The following CFAP299 variants were observed in gnomAD, a reference collection of about 807,000 sequenced individuals.
CFAP299 encodes the protein cilia- and flagella-associated protein 299.
CFAP299 carries 21 observed loss-of-function variants against 27.0 expected under a neutral mutation model. That is an observed-to-expected ratio of 0.78 (90% CI 0.55 to 1.12). The LOEUF is 1.12. CFAP299 is among the 50% of genes most tolerant of loss of function. CFAP299 has a pLI of 0.00. For missense variants in CFAP299, 310 were observed against 276.6 expected (o/e 1.12, Z -0.86); for synonymous variants, 104 against 98.1 (o/e 1.06, Z -0.36).
At chr4:80,684,266 C>A (rs1720028679) in intron 3 of CFAP299, among the ~76,000 whole-genome samples, 1 of 28,536 alleles carries the variant, frequency 3.5e-5, no homozygotes. Context: ...AAGATGACTT[C>A]TTTTTTTTGG....
intron 3 of CFAP299, among the ~76,000 whole-genome samples, chr4:80,774,916 C>A (rs1303010078): frequency 6.6e-6 from 1 of 151,824 alleles, no homozygotes; most frequent in Non-Finnish European, 1.5e-5. Flanking sequence ...AGAAAGTACT[C>A]ATTAAAAAAT....
At chr4:80,503,452 A>G (rs1277220486) in intron 2 of CFAP299, among the ~76,000 whole-genome samples, 1 of 152,028 alleles carries the variant, frequency 6.6e-6, no homozygotes, top group African/African-American at 2.4e-5. Context: ...TTTTCATAGA[A>G]CTTTTTATGA....
chr4:80,740,489 T>C (rs1724191906), intron 3 of CFAP299, among the ~76,000 whole-genome samples: 1 of 152,176 alleles, frequency 6.6e-6, no homozygotes, highest in African/African-American at 2.4e-5. Context: ...TCTCTGTGTG[T>C]GCTGATTCAC....
chr4:80,831,704 T>G (rs979277581), intron 3 of CFAP299, among the ~76,000 whole-genome samples: 1 of 152,186 alleles, frequency 6.6e-6, no homozygotes, highest in African/African-American at 2.4e-5. Context: ...TCTGCATTCA[T>G]ATTAAAGGAT....
chr4:80,687,789 A>G (rs1046648767), intron 3 of CFAP299, among the ~76,000 whole-genome samples: 1 of 152,144 alleles, frequency 6.6e-6, no homozygotes, highest in African/African-American at 2.4e-5. Context: ...GGTTCATCTC[A>G]CTAGGGAGTG....
At chr4:80,945,984 T>C (rs1157833358) in intron 5 of CFAP299, among the ~76,000 whole-genome samples, 3 of 151,556 alleles carry the variant, frequency 2.0e-5, no homozygotes, top group Non-Finnish European at 4.4e-5. Context: ...AGAAACCCCA[T>C]CTGTACTAAA....
chr4:80,922,388 C>T (rs993548760), intron 4 of CFAP299, among the ~76,000 whole-genome samples: 1 of 151,906 alleles, frequency 6.6e-6, no homozygotes, highest in Non-Finnish European at 1.5e-5. Flanking sequence ...GGTTTTATGA[C>T]TAAAAACTTG....
chr4:80,847,965 T>A (rs919657984), intron 3 of CFAP299, among the ~76,000 whole-genome samples: 4 of 152,044 alleles, frequency 2.6e-5, no homozygotes, highest in Non-Finnish European at 5.9e-5. Flanking sequence ...ATACCAGCAC[T>A]TTAGGAGGCT....
intron 4 of CFAP299, among the ~76,000 whole-genome samples, chr4:80,889,874 C>G (rs1324528026): frequency 6.6e-6 from 1 of 152,034 alleles, no homozygotes; most frequent in Non-Finnish European, 1.5e-5. Context: ...GGACAAAAAA[C>G]ATATAGTCAT....
chr4:80,623,412 A>G lies in CFAP299; in HGVS notation c.333+40229A>G, dbSNP rs557523271. On this transcript the variant is annotated intron_variant, in intron 3 of 5. Coordinates refer to ENST00000358105, the MANE Select transcript of CFAP299 (RefSeq NM_152770.3). ...ATGAAACAAAAATAATTAGACATGTATAGAACCAAACGAAGAGATGGGTGG... is the reference window on the plus strand; with the variant it reads ...ATGAAACAAAAATAATTAGACATGTGTAGAACCAAACGAAGAGATGGGTGG... Among the ~76,000 whole-genome samples, 139 of 152,304 alleles carry G rather than the reference A, an allele frequency of 9.1e-4. 1 individual carries two copies. The highest frequency in any genetic ancestry group is 3.4e-3 in the Middle Eastern group (1 of 294).
chr4:80,623,476 C>G (rs891037063), intron 3 of CFAP299, among the ~76,000 whole-genome samples: 4 of 152,100 alleles, frequency 2.6e-5, no homozygotes, highest in Non-Finnish European at 5.9e-5. Context: ...CAGTCATCAC[C>G]CCACAGGAAT....
chr4:80,631,872 CCAA>C (rs1739232384), intron 3 of CFAP299, among the ~76,000 whole-genome samples: 5 of 120,394 alleles, frequency 4.2e-5, no homozygotes, highest in African/African-American at 8.8e-5. Flanking sequence ...CCACCCCCCC[CCAA>C]CCAAATTCAT....
intron 2 of CFAP299, among the ~76,000 whole-genome samples, chr4:80,480,343 G>T (rs1203486865): frequency 6.6e-6 from 1 of 151,856 alleles, no homozygotes; most frequent in Non-Finnish European, 1.5e-5. Flanking sequence ...AGTGGTTTAG[G>T]AGCTCTGCAG....
At chr4:80,545,899 C>T (rs1734205274) in intron 2 of CFAP299, among the ~76,000 whole-genome samples, 1 of 152,148 alleles carries the variant, frequency 6.6e-6, no homozygotes, top group South Asian at 2.1e-4. Flanking sequence ...TAAAGCTAAT[C>T]TACCACAATC....
At chr4:80,918,843 C>T (rs1290883736) in intron 4 of CFAP299, among the ~76,000 whole-genome samples, 1 of 152,012 alleles carries the variant, frequency 6.6e-6, no homozygotes, top group Non-Finnish European at 1.5e-5. Flanking sequence ...GCAGCTGCTG[C>T]ATCAGAAGTT....
At chr4:80,550,760 AACAC>A (rs10561056) in intron 2 of CFAP299, among the ~76,000 whole-genome samples, 9,308 of 148,718 alleles carry the variant, frequency 0.063, 599 homozygotes, top group African/African-American at 0.16. Context: ...ATTAACTCAA[AACAC>A]ACACACACAC....
At chr4:80,389,273 T>C (rs886802287) in intron 2 of CFAP299, among the ~76,000 whole-genome samples, 1 of 152,156 alleles carries the variant, frequency 6.6e-6, no homozygotes, top group Non-Finnish European at 1.5e-5. Flanking sequence ...ATTACAATAA[T>C]GAACAATTCT....
intron 3 of CFAP299, among the ~76,000 whole-genome samples, chr4:80,692,943 A>G (rs1720829845): frequency 6.6e-6 from 1 of 152,164 alleles, no homozygotes; most frequent in Non-Finnish European, 1.5e-5. Flanking sequence ...AACACATGAA[A>G]AAATGCTCAC....
upstream of CFAP299, among the ~76,000 whole-genome samples, chr4:80,330,748 T>C (rs955250592): frequency 2.0e-5 from 3 of 152,222 alleles, no homozygotes; most frequent in Non-Finnish European, 4.4e-5. Flanking sequence ...TTCTAAAATG[T>C]AGGTGCTAAA....
Sources: allele counts gnomAD v4.1 joint callset (sites outside exome capture counted in the v4.1 genomes callset), GRCh38; gene constraint gnomAD v4.1.1; transcripts MANE v1.5; gene names NCBI Gene and HGNC (gene_info 2026-07-23, HGNC 2026-07-21).